SLC26A7: variants seen among roughly 807,000 people sequenced by gnomAD.
SLC26A7 encodes solute carrier family 26 member 7, also known as anion exchange transporter.
Under a neutral mutation model 82.5 loss-of-function variants are expected in SLC26A7, and 59 were observed. That is an observed-to-expected ratio of 0.72 (90% CI 0.58 to 0.89). SLC26A7 has a LOEUF of 0.89. Ranked by LOEUF, SLC26A7 falls within the 40% of genes least tolerant of loss-of-function variation. The pLI is 0.00. For missense variants in SLC26A7, 820 were observed against 793.0 expected (o/e 1.03, Z -0.41); for synonymous variants, 271 against 274.3 (o/e 0.99, Z 0.12).
At chr8:91,366,104 G>A (rs1469082720) in intron 13 of SLC26A7, among the ~76,000 whole-genome samples, 1 of 152,062 alleles carries the variant, frequency 6.6e-6, no homozygotes, top group Non-Finnish European at 1.5e-5. Context: ...TTCAAATTAG[G>A]ACTGTTAATC....
At chr8:91,267,118 T>G (rs994617858) in intron 2 of SLC26A7, among the ~76,000 whole-genome samples, 1 of 151,950 alleles carries the variant, frequency 6.6e-6, no homozygotes, top group Non-Finnish European at 1.5e-5. Context: ...TTTTTCTTTT[T>G]TGTGTGTGTT....
rs998929853 is a variant in SLC26A7, at chr8:91,329,618, A to G, written c.643-4677A>G. On this transcript the variant is annotated intron_variant, in intron 5 of 18. Transcript: ENST00000276609. ...ATTTGGTATGGCTTGGAAGTTTTGC[A>G]TATTTCTACTCTTTCTTATACAGAC... Among the ~76,000 whole-genome samples the G allele has an allele frequency of 2.0e-5, 3 of 152,274 alleles. No individual in the cohort carries two copies. The East Asian group carries it at 5.8e-4, about 29-fold the overall frequency.
intron 2 of SLC26A7, among the ~76,000 whole-genome samples, chr8:91,222,187 G>A (rs1170173501): frequency 6.6e-6 from 1 of 152,100 alleles, no homozygotes. Context: ...TATTATTGGT[G>A]TATAGGAATG....
intron 4 of SLC26A7, among the ~76,000 whole-genome samples, chr8:91,305,479 G>T (rs2130790248): frequency 6.6e-6 from 1 of 152,180 alleles, no homozygotes; most frequent in Admixed American, 6.5e-5. Context: ...TTACACTTGT[G>T]TATTTTAATA....
intron 12 of SLC26A7, among the ~76,000 whole-genome samples, chr8:91,362,985 G>A (rs1814092078): frequency 6.6e-6 from 1 of 151,910 alleles, no homozygotes; most frequent in African/African-American, 2.4e-5. Flanking sequence ...AAGTATTCTT[G>A]TGGGAATAAT....
intron 18 of SLC26A7, chr8:91,394,721 G>A (rs1352478671): frequency 1.8e-6 from 2 of 1,107,344 alleles, no homozygotes; most frequent in African/African-American, 1.6e-5. Context: ...TATATTGAGT[G>A]CCCTCATTAT....
At chr8:91,276,125 C>T (rs1175124210) in intron 2 of SLC26A7, among the ~76,000 whole-genome samples, 1 of 152,132 alleles carries the variant, frequency 6.6e-6, no homozygotes, top group Non-Finnish European at 1.5e-5. Flanking sequence ...GTGATGTTTA[C>T]TTACATAATT....
intron 5 of SLC26A7, among the ~76,000 whole-genome samples, chr8:91,322,635 CT>C (rs1471298408): frequency 6.6e-6 from 1 of 152,108 alleles, no homozygotes; most frequent in Non-Finnish European, 1.5e-5. Flanking sequence ...ATGTGGGTTT[CT>C]TTGAGATGGT....
intron 2 of SLC26A7, among the ~76,000 whole-genome samples, chr8:91,263,272 T>C (rs1236161216): frequency 1.3e-5 from 2 of 152,090 alleles, no homozygotes; most frequent in Admixed American, 6.6e-5. Context: ...AAGGCAGATA[T>C]TGGAAATCTG....
intron 4 of SLC26A7, among the ~76,000 whole-genome samples, chr8:91,316,387 A>G (rs1812630903): frequency 7.0e-6 from 1 of 142,744 alleles, no homozygotes; most frequent in Non-Finnish European, 1.5e-5. Flanking sequence ...GGCTCAGGCC[A>G]TCCTTCCACC....
At chr8:91,390,246 A>G (rs1461612959) in intron 16 of SLC26A7, among the ~76,000 whole-genome samples, 1 of 151,806 alleles carries the variant, frequency 6.6e-6, no homozygotes, top group Non-Finnish European at 1.5e-5. Context: ...CCTCCCGAGT[A>G]GCTGGGACTA....
rs747528391 is a variant in SLC26A7 at position 91,338,195 on chromosome 8, A to G, written c.841A>G (p.Thr281Ala). 12 of 1,611,018 alleles carry G rather than the reference A, an allele frequency of 7.4e-6. No homozygotes were observed. In the South Asian group the frequency reaches 1.2e-4, roughly 16 times the overall value. Residue 281 changes from threonine to alanine, a missense_variant, in exon 7 of 19, where the codon ACA becomes GCA. Physicochemically the swap from Thr to Ala is moderately conservative, Grantham distance 58 (BLOSUM62 0). Transcript: ENST00000276609. ...TTGTTATTGCACCAATATGGAAAAC[A>G]CATATGGATTAGAAGTAGTTGGTCA... is the stretch of plus-strand genomic sequence containing the variant. The part of the protein sequence containing the change: ...FACYCTNMEN[T>A]YGLEVVGHIP...
chr8:91,357,862 C>T (rs1254649522), intron 11 of SLC26A7, among the ~76,000 whole-genome samples: 1 of 152,208 alleles, frequency 6.6e-6, no homozygotes, highest in Non-Finnish European at 1.5e-5. Flanking sequence ...ACCTACTCAT[C>T]TGACAAAGGG....
chr8:91,292,733 T>G, intron 3 of SLC26A7, among the ~76,000 whole-genome samples: 1 of 139,888 alleles, frequency 7.1e-6, no homozygotes, highest in Non-Finnish European at 1.6e-5. Flanking sequence ...TTAAAATAGG[T>G]TTTTTTTTTA....
intron 4 of SLC26A7, among the ~76,000 whole-genome samples, chr8:91,316,685 GT>G (rs1388273225): frequency 6.6e-6 from 1 of 151,072 alleles, no homozygotes; most frequent in African/African-American, 2.4e-5. Flanking sequence ...GACCTCTTTT[GT>G]TTCCATTTTC....
intron 9 of SLC26A7, among the ~76,000 whole-genome samples, chr8:91,351,170 C>A (rs969574490): frequency 6.6e-5 from 10 of 152,190 alleles, no homozygotes; most frequent in African/African-American, 1.9e-4. Flanking sequence ...TCAAGTGGAA[C>A]ATGACTATAG....
chr8:91,395,298 T>C lies in SLC26A7; in HGVS notation c.*201T>C. ...CATTTTTGTTAGTAAGAAGATTCGC[T>C]TAGTTATTTTATGTAAAAATCAGTA... On this transcript the variant is annotated 3_prime_UTR_variant, in exon 19 of 19. Coordinates refer to ENST00000276609, the MANE Select transcript of SLC26A7 (RefSeq NM_052832.4). 7.7e-7 allele frequency: 1 copy of C among 1,304,942 alleles called. No homozygotes were observed. The highest frequency in any genetic ancestry group is 3.5e-5 in the Admixed American group (1 of 28,446). 80.8% of individuals were successfully genotyped at this position (1,304,942 alleles called of 1,614,324 possible). A position where few individuals can be genotyped will look rare whatever the true frequency, so the allele number is the denominator to read the frequency against.
At chr8:91,388,280 T>G (rs1223169907) in intron 15 of SLC26A7, among the ~76,000 whole-genome samples, 1 of 149,166 alleles carries the variant, frequency 6.7e-6, no homozygotes, top group Non-Finnish European at 1.5e-5. Flanking sequence ...TTAGTCTCGC[T>G]CTGTTGCCCA....
At chr8:91,338,006 T>A in intron 6 of SLC26A7, 144 bp from the exon 7 acceptor site, 1 of 462,834 alleles carries the variant, frequency 2.2e-6, no homozygotes, top group Non-Finnish European at 3.6e-6. Flanking sequence ...ATATTTTATT[T>A]ATTTTTGAAA....
Sources: gnomAD v4.1 joint callset for allele counts (sites outside exome capture counted in the v4.1 genomes callset) on GRCh38, gnomAD v4.1.1 for gene constraint, MANE v1.5 for transcripts, NCBI Gene and HGNC (gene_info 2026-07-23, HGNC 2026-07-21) for gene names.